SLC5A4: variants seen among roughly 807,000 people sequenced by gnomAD.
SLC5A4 encodes the protein solute carrier family 5 member 4.
A neutral mutation model predicts 70.3 loss-of-function variants in SLC5A4; 55 were observed. That is an observed-to-expected ratio of 0.78 (90% confidence interval 0.63 to 0.98). The LOEUF (loss-of-function observed/expected upper bound fraction) is 0.98, where lower values mean the gene tolerates loss of function less well. Among genes scored for constraint, SLC5A4 ranks in the 50% least tolerant of loss-of-function variants. The pLI is 0.00. For missense variants in SLC5A4, 735 were observed against 839.2 expected (o/e 0.88, Z 1.53); for synonymous variants, 268 against 305.7 (o/e 0.88, Z 1.29).
At chr22:32,239,554 A>ATATATATT (rs58656707) in intron 5 of SLC5A4, among the ~76,000 whole-genome samples, 213 of 16,426 alleles carry the variant, frequency 0.013, 2 homozygotes, top group Non-Finnish European at 0.016. Context: ...ATATATATAT[A>ATATATATT]TATATATATA....
At chr22:32,323,240 G>GCA in the SLC5A4 span, among the ~76,000 whole-genome samples, 1 of 151,952 alleles carries the variant, frequency 6.6e-6, no homozygotes, top group Non-Finnish European at 1.5e-5. Context: ...GGTGGACCCC[G>GCA]CACCTCCTCA....
At chr22:32,294,008 C>A in the SLC5A4 span, among the ~76,000 whole-genome samples, 1 of 151,778 alleles carries the variant, frequency 6.6e-6, no homozygotes, top group Non-Finnish European at 1.5e-5. Context: ...TTAATCTCCA[C>A]CCCCACCCCA....
At chr22:32,317,337 CAAAA>C in the SLC5A4 span, among the ~76,000 whole-genome samples, 2 of 151,616 alleles carry the variant, frequency 1.3e-5, no homozygotes, top group Admixed American at 1.3e-4. Flanking sequence ...TTGCCCAACT[CAAAA>C]AGAAAAGAAA....
the SLC5A4 span, among the ~76,000 whole-genome samples, chr22:32,331,090 GTGTGTGTGTTGGAGGCTCT>G: frequency 4.2e-5 from 6 of 143,282 alleles, no homozygotes; most frequent in African/African-American, 1.6e-4. Context: ...AGGCTCTGGT[GTGTGTGTGTTGGAGGCTCT>G]TGTGTGTGTT....
rs1158279886 is a variant in SLC5A4, at chr22:32,229,309, A to G, written c.1165T>C (p.Ser389Pro). 2.5e-6 allele frequency: 4 copies of G among 1,614,188 alleles called. No homozygotes were observed. In the Admixed American group the frequency reaches 5.0e-5, roughly 20 times the overall value. Reference sequence around the variant, plus strand: ...ATGGAGGTCAGGGAGCTCATGAGAGAGGCCAGCATGACCGAAAGCATCAGG... The same window carrying G: ...ATGGAGGTCAGGGAGCTCATGAGAGGGGCCAGCATGACCGAAAGCATCAGG... ...RGLMLSVMLASLMSSLTSIFN... is the reference protein window; with the variant it reads ...RGLMLSVMLAPLMSSLTSIFN... Residue 389 changes from serine (S) to proline (P), a missense_variant, in exon 11 of 15, where the codon TCT becomes CCT. Coordinates refer to ENST00000266086, the MANE Select transcript of SLC5A4 (RefSeq NM_014227.3).
At chr22:32,346,524 G>A in the SLC5A4 span, among the ~76,000 whole-genome samples, 7 of 150,840 alleles carry the variant, frequency 4.6e-5, no homozygotes, top group Non-Finnish European at 1.0e-4. Context: ...CAATGGAACA[G>A]AACAGAGCCC....
chr22:32,342,630 C>G, the SLC5A4 span, among the ~76,000 whole-genome samples: 680 of 152,074 alleles, frequency 4.5e-3, 2 homozygotes, highest in African/African-American at 0.016. Context: ...AAGTAATTTA[C>G]TTCTACTTCA....
At chr22:32,301,427 T>TTACTTA in the SLC5A4 span, among the ~76,000 whole-genome samples, 1 of 152,220 alleles carries the variant, frequency 6.6e-6, no homozygotes, top group Non-Finnish European at 1.5e-5. Context: ...TGTTAAATAG[T>TTACTTA]TTCATGTACT....
intron 13 of SLC5A4, among the ~76,000 whole-genome samples, chr22:32,223,090 A>G (rs554609901): frequency 6.6e-6 from 1 of 152,216 alleles, no homozygotes; most frequent in South Asian, 2.1e-4. Flanking sequence ...CCACTTAACC[A>G]TATTATGAAC....
chr22:32,232,277 A>C (rs1484062777), intron 9 of SLC5A4, among the ~76,000 whole-genome samples: 1 of 152,244 alleles, frequency 6.6e-6, no homozygotes, highest in Non-Finnish European at 1.5e-5. Flanking sequence ...TTGAGAAAAC[A>C]TGAAGTGGAT....
chr22:32,334,780 G>T, the SLC5A4 span, among the ~76,000 whole-genome samples: 1 of 152,230 alleles, frequency 6.6e-6, no homozygotes, highest in Admixed American at 6.5e-5. Context: ...ACTGATCGGG[G>T]GACACATCTG....
upstream of SLC5A4, among the ~76,000 whole-genome samples, chr22:32,260,255 G>T (rs1177179052): frequency 6.6e-6 from 1 of 150,450 alleles, no homozygotes; most frequent in African/African-American, 2.5e-5. Context: ...TACATTGGCT[G>T]CAGCAGAGGT....
At chr22:32,305,269 T>G in the SLC5A4 span, among the ~76,000 whole-genome samples, 15 of 152,298 alleles carry the variant, frequency 9.8e-5, no homozygotes, top group African/African-American at 3.4e-4. Flanking sequence ...AGTAAGCAAG[T>G]GTGGCTGTGT....
chr22:32,331,227 GCTGTGTGTGTGTTGGGGC>G, the SLC5A4 span, among the ~76,000 whole-genome samples: 22 of 141,460 alleles, frequency 1.6e-4, no homozygotes, highest in African/African-American at 5.2e-4. Context: ...TGTGTTGGGG[GCTGTGTGTGTGTTGGGGC>G]ACCAAGGCAC....
the SLC5A4 span, among the ~76,000 whole-genome samples, chr22:32,347,661 C>T: frequency 3.8e-5 from 5 of 130,324 alleles, no homozygotes; most frequent in Admixed American, 4.8e-4. Context: ...ACAATGAGAA[C>T]ACATGGACAC....
At chr22:32,311,994 GAGCTTTTTCTGC>G in the SLC5A4 span, among the ~76,000 whole-genome samples, 90 of 152,246 alleles carry the variant, frequency 5.9e-4, no homozygotes, top group African/African-American at 1.4e-3. Context: ...TCCCCACTGT[GAGCTTTTTCTGC>G]AGCTTTTTCT....
intron 9 of SLC5A4, among the ~76,000 whole-genome samples, chr22:32,232,096 T>A (rs1191678449): frequency 6.6e-6 from 1 of 152,074 alleles, no homozygotes; most frequent in Non-Finnish European, 1.5e-5. Context: ...CTCAGGCTGG[T>A]CTCAAAGTCC....
the SLC5A4 span, among the ~76,000 whole-genome samples, chr22:32,305,303 C>CTTGCCTACGAGATGAGAAACAAGA: frequency 1.3e-3 from 199 of 150,298 alleles, 21 homozygotes; most frequent in Admixed American, 3.5e-3. Flanking sequence ...TGACTGCTCC[C>CTTGCCTACGAGATGAGAAACAAGA]GGGCTTGTAG....
At chr22:32,351,170 T>A in the SLC5A4 span, among the ~76,000 whole-genome samples, 1 of 152,182 alleles carries the variant, frequency 6.6e-6, no homozygotes, top group Non-Finnish European at 1.5e-5. Context: ...CTCTTAATGA[T>A]CTCATACACT....
Sources: allele counts gnomAD v4.1 joint callset (sites outside exome capture counted in the v4.1 genomes callset), GRCh38; gene constraint gnomAD v4.1.1; transcripts MANE v1.5; gene names NCBI Gene and HGNC (gene_info 2026-07-23, HGNC 2026-07-21).